The following PTPRM variants were observed in gnomAD, a reference collection of about 807,000 sequenced individuals.
The protein encoded by PTPRM is protein tyrosine phosphatase receptor type M.
PTPRM carries 47 observed loss-of-function variants against 186.7 expected under a neutral mutation model. That is an observed-to-expected ratio of 0.25 (90% CI 0.20 to 0.32). PTPRM has a LOEUF of 0.32. Ranked by LOEUF, PTPRM falls within the 10% of genes least tolerant of loss-of-function variation. The probability of loss-of-function intolerance (pLI) is 1.00; values close to 1 mark genes in which losing one functional copy is unlikely to be tolerated. For synonymous variants in PTPRM, 668 were observed against 674.9 expected (o/e 0.99, Z 0.16); for missense variants, 1,494 against 1,865.0 (o/e 0.80, Z 3.66).
chr18:7,867,036 T>C (rs2047740326), intron 2 of PTPRM, among the ~76,000 whole-genome samples: 1 of 152,218 alleles, frequency 6.6e-6, no homozygotes, highest in Non-Finnish European at 1.5e-5. Context: ...TGTTTTTTGC[T>C]TTCCTTTTAC....
chr18:7,609,139 C>G (rs1893223), intron 1 of PTPRM, among the ~76,000 whole-genome samples: 58,579 of 152,154 alleles, frequency 0.38, 17,683 homozygotes, highest in African/African-American at 0.8. Context: ...AATGTCATTT[C>G]AAGCTAAAAA....
intron 1 of PTPRM, among the ~76,000 whole-genome samples, chr18:7,578,784 GT>G (rs990199609): frequency 6.6e-6 from 1 of 151,962 alleles, no homozygotes; most frequent in East Asian, 1.9e-4. Context: ...TCCTTGCAGA[GT>G]TATTGCAAAG....
chr18:7,894,598 T>C (rs1354941392), intron 3 of PTPRM, among the ~76,000 whole-genome samples: 1 of 151,226 alleles, frequency 6.6e-6, no homozygotes, highest in Non-Finnish European at 1.5e-5. Context: ...GAAAAATATA[T>C]ATATATATAT....
chr18:7,786,226 G>A (rs576834945), intron 2 of PTPRM, among the ~76,000 whole-genome samples: 21 of 152,270 alleles, frequency 1.4e-4, no homozygotes, highest in Admixed American at 9.8e-4. Context: ...ATTGTCTGCC[G>A]GACAATTGTA....
intron 1 of PTPRM, among the ~76,000 whole-genome samples, chr18:7,639,358 C>T (rs1425645274): frequency 6.6e-6 from 1 of 151,600 alleles, no homozygotes; most frequent in Non-Finnish European, 1.5e-5. Flanking sequence ...GCGTGAGCCA[C>T]CGCACCCAGC....
intron 2 of PTPRM, among the ~76,000 whole-genome samples, chr18:7,866,318 G>A (rs1436829415): frequency 6.6e-6 from 1 of 152,074 alleles, no homozygotes; most frequent in Admixed American, 6.5e-5. Flanking sequence ...TCTCTTGTGG[G>A]CATTTAGTGC....
intron 1 of PTPRM, among the ~76,000 whole-genome samples, chr18:7,760,366 A>G (rs1033152512): frequency 6.6e-6 from 1 of 151,892 alleles, no homozygotes; most frequent in Non-Finnish European, 1.5e-5. Flanking sequence ...GGAAGAGTCT[A>G]GTATTGTTAA....
In PTPRM at chr18:8,252,512, A is replaced by T; in HGVS notation, c.2566+13A>T. The T allele has an allele frequency of 6.5e-7, 1 of 1,545,702 alleles. No individual in the cohort carries two copies. The highest frequency in any genetic ancestry group is 8.9e-7 in the Non-Finnish European group (1 of 1,117,850). On this transcript the variant is annotated intron_variant, in intron 18 of 32. Transcript: ENST00000580170. ...GTGCCAATAAATGGTAAGTTCCCCG[A>T]TTCGCCCCATGGAAGAGTTGTGGAG...
intron 23 of PTPRM, among the ~76,000 whole-genome samples, chr18:8,362,533 G>A (rs889600974): frequency 3.9e-5 from 6 of 152,022 alleles, no homozygotes; most frequent in African/African-American, 7.3e-5. Flanking sequence ...GGAGGATCGC[G>A]CCCTCCCAGC....
At chr18:7,918,509 T>C (rs2050689289) in intron 4 of PTPRM, among the ~76,000 whole-genome samples, 2 of 152,110 alleles carry the variant, frequency 1.3e-5, no homozygotes, top group Admixed American at 1.3e-4. Context: ...ACATTTTTTT[T>C]CCTGTACCTG....
intron 1 of PTPRM, among the ~76,000 whole-genome samples, chr18:7,747,345 A>G (rs1382356650): frequency 2.0e-5 from 3 of 152,122 alleles, no homozygotes; most frequent in Non-Finnish European, 1.5e-5. Context: ...AGAGGCAGAA[A>G]AGGAGAGGGA....
chr18:7,643,782 C>G (rs185065604), intron 1 of PTPRM, among the ~76,000 whole-genome samples: 1 of 151,956 alleles, frequency 6.6e-6, no homozygotes, highest in African/African-American at 2.4e-5. Context: ...CTTAGCAGCC[C>G]GAAGAAAAGT....
chr18:7,779,526 G>A (rs544998881), intron 2 of PTPRM, among the ~76,000 whole-genome samples: 1 of 152,246 alleles, frequency 6.6e-6, no homozygotes, highest in Admixed American at 6.5e-5. Context: ...TTCACATTTG[G>A]GAAGGAAGAT....
intron 3 of PTPRM, among the ~76,000 whole-genome samples, chr18:7,902,552 G>C (rs533627037): frequency 6.6e-6 from 1 of 152,150 alleles, no homozygotes; most frequent in Admixed American, 6.5e-5. Flanking sequence ...ATTGCTATGA[G>C]CTGTGTTTAT....
intron 7 of PTPRM, among the ~76,000 whole-genome samples, chr18:8,029,288 C>T (rs1356272946): frequency 1.3e-5 from 2 of 150,826 alleles, no homozygotes; most frequent in Admixed American, 1.3e-4. Flanking sequence ...GTGCCTCCCC[C>T]ACACCTGTCC....
At chr18:8,336,838 G>A (rs981921063) in intron 22 of PTPRM, among the ~76,000 whole-genome samples, 5 of 151,850 alleles carry the variant, frequency 3.3e-5, no homozygotes, top group African/African-American at 4.8e-5. Context: ...TTAGCTGGGT[G>A]TGGTGGTGCG....
At chr18:7,966,981 G>A (rs1321414603) in intron 7 of PTPRM, among the ~76,000 whole-genome samples, 2 of 117,850 alleles carry the variant, frequency 1.7e-5, no homozygotes, top group Non-Finnish European at 4.1e-5. Context: ...GCCTGCCTCT[G>A]TAGGCTCCAC....
chr18:8,298,081 G>A (rs1166288159), intron 20 of PTPRM, among the ~76,000 whole-genome samples: 1 of 152,194 alleles, frequency 6.6e-6, no homozygotes, highest in Non-Finnish European at 1.5e-5. Flanking sequence ...GATCGCTGTG[G>A]CAGTAGTCTA....
At chr18:7,858,532 C>T (rs2047197682) in intron 2 of PTPRM, among the ~76,000 whole-genome samples, 1 of 152,164 alleles carries the variant, frequency 6.6e-6, no homozygotes, top group Non-Finnish European at 1.5e-5. Context: ...CTGCACTCTA[C>T]CCTGGGCGAG....
Sources: allele counts gnomAD v4.1 joint callset (sites outside exome capture counted in the v4.1 genomes callset), GRCh38; gene constraint gnomAD v4.1.1; transcripts MANE v1.5; gene names NCBI Gene and HGNC (gene_info 2026-07-23, HGNC 2026-07-21).